Variants in TBC1D19 observed in about 807,000 individuals in gnomAD.
TBC1D19 encodes the protein TBC1 domain family member 19.
Under a neutral mutation model 89.0 loss-of-function variants are expected in TBC1D19, and 60 were observed. The ratio of observed to expected loss-of-function variants is 0.67; its 90% CI spans 0.55 to 0.84. TBC1D19 has a LOEUF of 0.84. Ranked by LOEUF, TBC1D19 falls within the 40% of genes least tolerant of loss-of-function variation. The pLI is 0.00. For synonymous variants in TBC1D19, 189 were observed against 199.7 expected (o/e 0.95, Z 0.45); for missense variants, 500 against 610.8 (o/e 0.82, Z 1.91).
At chr4:26,738,991 T>C (rs1275526691) in intron 16 of TBC1D19, among the ~76,000 whole-genome samples, 2 of 152,178 alleles carry the variant, frequency 1.3e-5, no homozygotes, top group Non-Finnish European at 2.9e-5. Flanking sequence ...TGTTTGAAAT[T>C]ACCCTGTAAG....
downstream of TBC1D19, among the ~76,000 whole-genome samples, chr4:26,759,634 C>T (rs947797557): frequency 1.3e-5 from 2 of 152,116 alleles, no homozygotes; most frequent in Non-Finnish European, 2.9e-5. Flanking sequence ...CCCCCATACA[C>T]GCATTCACTC....
At chr4:26,690,638 T>G (rs1714192397) in intron 13 of TBC1D19, among the ~76,000 whole-genome samples, 1 of 152,238 alleles carries the variant, frequency 6.6e-6, no homozygotes, top group South Asian at 2.1e-4. Flanking sequence ...AAAGCCTAGA[T>G]GACAGCACAT....
intron 9 of TBC1D19, among the ~76,000 whole-genome samples, chr4:26,668,623 T>G (rs1712018459): frequency 6.6e-6 from 1 of 152,012 alleles, no homozygotes; most frequent in Non-Finnish European, 1.5e-5. Flanking sequence ...TCTTATTTTA[T>G]ATTTTAGTCT....
chr4:26,796,416 C>G, the TBC1D19 span, among the ~76,000 whole-genome samples: 3 of 152,156 alleles, frequency 2.0e-5, no homozygotes, highest in Admixed American at 1.3e-4. Flanking sequence ...TTCATCTGTA[C>G]TTCTTATCAG....
chr4:26,858,258 A>G, the TBC1D19 span: 15 of 147,922 alleles, frequency 1.0e-4, no homozygotes, highest in Non-Finnish European at 1.8e-4. Flanking sequence ...TGATTTGGTG[A>G]AAATGGGACA....
the TBC1D19 span, among the ~76,000 whole-genome samples, chr4:26,791,997 G>C: frequency 1.4e-4 from 21 of 152,308 alleles, no homozygotes; most frequent in East Asian, 3.7e-3. Flanking sequence ...GCAGCCATCA[G>C]AGGGGACCCT....
At chr4:26,592,664 A>C (rs1356869359) in intron 1 of TBC1D19, among the ~76,000 whole-genome samples, 1 of 151,800 alleles carries the variant, frequency 6.6e-6, no homozygotes, top group Admixed American at 6.6e-5. Context: ...ATCAATGTAC[A>C]AAAATCACAA....
At chr4:26,577,574 C>T (rs893798616) in intron 1 of TBC1D19, among the ~76,000 whole-genome samples, 1 of 152,130 alleles carries the variant, frequency 6.6e-6, no homozygotes, top group Admixed American at 6.5e-5. Context: ...AGGTTGGGTT[C>T]CCCCAGAAGC....
intron 1 of TBC1D19, among the ~76,000 whole-genome samples, chr4:26,591,527 C>T (rs1739806990): frequency 1.3e-5 from 2 of 151,994 alleles, no homozygotes. Flanking sequence ...AAAAACCCTT[C>T]AAAAAATCAA....
intron 7 of TBC1D19, among the ~76,000 whole-genome samples, chr4:26,648,846 T>G (rs1020574254): frequency 1.3e-5 from 2 of 152,142 alleles, no homozygotes; most frequent in African/African-American, 4.8e-5. Context: ...ATTCTTATTC[T>G]TATTATGTTT....
intron 18 of TBC1D19, among the ~76,000 whole-genome samples, chr4:26,745,845 C>G (rs1718620228): frequency 6.6e-6 from 1 of 151,992 alleles, no homozygotes; most frequent in Non-Finnish European, 1.5e-5. Context: ...ATTCTACCTT[C>G]AAATAAACTT....
rs898318584 is a variant in TBC1D19, at chr4:26,681,292, A to G, written c.817-2383A>G. On this transcript the variant is annotated intron_variant, in intron 11 of 20. Transcript: ENST00000264866. ...GGTGGCTCACACCTGTAATCCCAGC[A>G]CTTTGGGAGGCTGAGGCGGGCAGAT... Among the ~76,000 whole-genome samples, 6 of 152,098 alleles carry G rather than the reference A, an allele frequency of 3.9e-5. No homozygotes were observed. The East Asian group carries it at 1.2e-3, about 29-fold the overall frequency.
chr4:26,640,642 C>T (rs774623119), intron 7 of TBC1D19, among the ~76,000 whole-genome samples: 4 of 152,186 alleles, frequency 2.6e-5, no homozygotes, highest in Non-Finnish European at 5.9e-5. Flanking sequence ...GGGGGATTTC[C>T]CTTTCTGACC....
At chr4:26,662,946 GAGA>G (rs564825317) in intron 8 of TBC1D19, 36 of 152,254 alleles carry the variant, frequency 2.4e-4, no homozygotes, top group African/African-American at 8.7e-4. Context: ...CCCAACCAAA[GAGA>G]AGGAGAGTTT....
At chr4:26,684,283 G>T (rs903302950) in intron 12 of TBC1D19, among the ~76,000 whole-genome samples, 1 of 152,104 alleles carries the variant, frequency 6.6e-6, no homozygotes, top group Non-Finnish European at 1.5e-5. Context: ...AGCCAAACAG[G>T]GTCCATTTTC....
the TBC1D19 span, among the ~76,000 whole-genome samples, chr4:26,826,341 G>A: frequency 6.6e-6 from 1 of 152,160 alleles, no homozygotes; most frequent in African/African-American, 2.4e-5. Flanking sequence ...CCCAGCTGCT[G>A]GATACATATT....
At position 26,754,979 on chromosome 4, in the gene TBC1D19, T is replaced by C; in HGVS notation, c.*32T>C. ...TCACAGTCACTGGCAACACATCTAGTTTTTCATTAGAAACAAATCATGAAC... is the reference window on the plus strand; with the variant it reads ...TCACAGTCACTGGCAACACATCTAGCTTTTCATTAGAAACAAATCATGAAC... On this transcript the variant is annotated 3_prime_UTR_variant, in exon 21 of 21. Coordinates refer to ENST00000264866, the MANE Select transcript of TBC1D19 (RefSeq NM_018317.4). 1 of 1,572,244 alleles carries C rather than the reference T, an allele frequency of 6.4e-7. No individual in the cohort carries two copies. The highest frequency in any genetic ancestry group is 8.6e-7 in the Non-Finnish European group (1 of 1,161,802).
chr4:26,587,642 C>T (rs546851848), intron 1 of TBC1D19, among the ~76,000 whole-genome samples: 3 of 146,502 alleles, frequency 2.0e-5, no homozygotes, highest in African/African-American at 7.5e-5. Context: ...TGTCTGCTTT[C>T]GATACCAGTT....
chr4:26,754,818 C>T (rs1206914431), intron 20 of TBC1D19, 55 bp from the exon 21 acceptor site: 5 of 1,401,264 alleles, frequency 3.6e-6, no homozygotes, highest in Non-Finnish European at 3.9e-6. Context: ...TTATGTTTAC[C>T]TTATTTCATA....
Sources: allele counts gnomAD v4.1 joint callset (sites outside exome capture counted in the v4.1 genomes callset), GRCh38; gene constraint gnomAD v4.1.1; transcripts MANE v1.5; gene names NCBI Gene and HGNC (gene_info 2026-07-23, HGNC 2026-07-21).